The following CSNK2A2IP variants were observed in gnomAD, a reference collection of about 807,000 sequenced individuals.
CSNK2A2IP encodes casein kinase II subunit alpha'-interacting protein.
the CSNK2A2IP span, among the ~76,000 whole-genome samples, chr3:88,433,486 T>C: frequency 1.3e-5 from 2 of 152,190 alleles, no homozygotes; most frequent in Non-Finnish European, 2.9e-5. Context: ...CAATATCTAG[T>C]TAATTTTGAG....
the CSNK2A2IP span, among the ~76,000 whole-genome samples, chr3:88,354,158 AC>A: frequency 6.6e-6 from 1 of 152,158 alleles, no homozygotes; most frequent in Non-Finnish European, 1.5e-5. Flanking sequence ...TGCTGATGCT[AC>A]CCTTCTTGCA....
chr3:88,424,384 G>A, the CSNK2A2IP span, among the ~76,000 whole-genome samples: 16 of 152,090 alleles, frequency 1.1e-4, no homozygotes, highest in African/African-American at 3.6e-4. Context: ...TTCAAGGTCC[G>A]GTATAATGTG....
At chr3:88,449,872 T>TAG in the CSNK2A2IP span, among the ~76,000 whole-genome samples, 3,223 of 78,862 alleles carry the variant, frequency 0.041, 140 homozygotes, top group Non-Finnish European at 0.061. Flanking sequence ...TATATATATA[T>TAG]ATAGAGAGAG....
the CSNK2A2IP span, among the ~76,000 whole-genome samples, chr3:88,436,319 A>C: frequency 6.6e-6 from 1 of 152,154 alleles, no homozygotes; most frequent in Non-Finnish European, 1.5e-5. Flanking sequence ...CAAAGTCATT[A>C]AGGGAGATTT....
At chr3:88,414,891 A>G in the CSNK2A2IP span, among the ~76,000 whole-genome samples, 55 of 152,124 alleles carry the variant, frequency 3.6e-4, no homozygotes, top group African/African-American at 1.3e-3. Context: ...TTAGGTAAAT[A>G]AATTATATGC....
At chr3:88,445,051 T>C in the CSNK2A2IP span, among the ~76,000 whole-genome samples, 2 of 152,092 alleles carry the variant, frequency 1.3e-5, no homozygotes, top group African/African-American at 4.8e-5. Context: ...CCCATTTTCC[T>C]ATAGTTAAGA....
the CSNK2A2IP span, among the ~76,000 whole-genome samples, chr3:88,444,986 G>A: frequency 1.3e-5 from 2 of 152,128 alleles, no homozygotes; most frequent in East Asian, 1.9e-4. Flanking sequence ...GTTACTTTGT[G>A]TAAATGTTTG....
the CSNK2A2IP span, among the ~76,000 whole-genome samples, chr3:88,344,865 A>G: frequency 2.0e-5 from 3 of 151,948 alleles, no homozygotes; most frequent in Non-Finnish European, 4.4e-5. Context: ...TTAATTGTGT[A>G]CTCCATCCCA....
At chr3:88,432,760 T>A in the CSNK2A2IP span, among the ~76,000 whole-genome samples, 4 of 150,408 alleles carry the variant, frequency 2.7e-5, no homozygotes, top group African/African-American at 7.3e-5. Context: ...TATTATATTA[T>A]TATATGGTAT....
At chr3:88,449,104 T>C in the CSNK2A2IP span, among the ~76,000 whole-genome samples, 3 of 152,154 alleles carry the variant, frequency 2.0e-5, no homozygotes, top group African/African-American at 7.2e-5. Flanking sequence ...CTTCTTTCCT[T>C]ATTTTTAACA....
the CSNK2A2IP span, among the ~76,000 whole-genome samples, chr3:88,461,421 T>C: frequency 9.9e-5 from 15 of 151,928 alleles, no homozygotes; most frequent in African/African-American, 3.1e-4. Flanking sequence ...GGCGTGGTGG[T>C]GGGCGCCTGT....
the CSNK2A2IP span, among the ~76,000 whole-genome samples, chr3:88,394,359 G>A: frequency 6.6e-6 from 1 of 152,044 alleles, no homozygotes; most frequent in African/African-American, 2.4e-5. Flanking sequence ...GTTTTAATTT[G>A]CATTTCTTTT....
chr3:88,448,303 G>A, the CSNK2A2IP span, among the ~76,000 whole-genome samples: 6 of 152,188 alleles, frequency 3.9e-5, no homozygotes, highest in Admixed American at 1.3e-4. Flanking sequence ...TCTTGCAATA[G>A]AATGTCTATG....
At chr3:88,451,721 A>ATC in the CSNK2A2IP span, among the ~76,000 whole-genome samples, 308 of 129,160 alleles carry the variant, frequency 2.4e-3, 1 homozygote, top group African/African-American at 8.2e-3. Context: ...ACACTCTGTA[A>ATC]TCTCTCTCTC....
the CSNK2A2IP span, among the ~76,000 whole-genome samples, chr3:88,439,771 A>G: frequency 3.3e-5 from 5 of 150,890 alleles, no homozygotes; most frequent in East Asian, 9.8e-4. Flanking sequence ...TCGAAGAGTT[A>G]TCTCTACCAA....
At chr3:88,362,438 T>C in the CSNK2A2IP span, among the ~76,000 whole-genome samples, 7 of 152,210 alleles carry the variant, frequency 4.6e-5, no homozygotes, top group Non-Finnish European at 8.8e-5. Flanking sequence ...TCTTGCTCTT[T>C]CTTCCCTCAC....
the CSNK2A2IP span, among the ~76,000 whole-genome samples, chr3:88,418,534 A>G: frequency 1.3e-5 from 2 of 152,132 alleles, no homozygotes; most frequent in East Asian, 3.9e-4. Flanking sequence ...TTAGCCTGGC[A>G]TAAAATCATA....
chr3:88,464,940 G>A, the CSNK2A2IP span: 1 of 155,626 alleles, frequency 6.4e-6, no homozygotes, highest in Admixed American at 6.5e-5. Context: ...CAAAAGATAT[G>A]CATAGTGATG....
chr3:88,459,529 C>T, the CSNK2A2IP span, among the ~76,000 whole-genome samples: 2 of 151,966 alleles, frequency 1.3e-5, no homozygotes, highest in Admixed American at 6.6e-5. Flanking sequence ...GGTTATGTCT[C>T]ATTTTTTATT....
Sources: allele counts gnomAD v4.1 joint callset (sites outside exome capture counted in the v4.1 genomes callset), GRCh38; gene constraint gnomAD v4.1.1; transcripts MANE v1.5; gene names NCBI Gene and HGNC (gene_info 2026-07-23, HGNC 2026-07-21).